Variants in ESR1 observed in about 807,000 individuals in gnomAD.
ESR1 encodes estrogen receptor.
ESR1 carries 12 observed loss-of-function variants against 52.7 expected under a neutral mutation model. That is an observed-to-expected ratio of 0.23 (90% CI 0.15 to 0.37). The LOEUF (loss-of-function observed/expected upper bound fraction) is 0.37. Ranked by LOEUF, ESR1 falls within the 10% of genes least tolerant of loss-of-function variation. ESR1 has a pLI of 1.00. For missense variants in ESR1, 584 were observed against 779.7 expected (o/e 0.75, Z 2.99); for synonymous variants, 305 against 316.8 (o/e 0.96, Z 0.39).
chr6:151,665,816 A>T (rs114377740), intron 1 of ESR1, among the ~76,000 whole-genome samples: 1 of 152,342 alleles, frequency 6.6e-6, no homozygotes, highest in East Asian at 1.9e-4. Flanking sequence ...ATATAGAGAC[A>T]TTATCTCAAA....
intron 1 of ESR1, among the ~76,000 whole-genome samples, chr6:151,829,888 G>T (rs1450030663): frequency 6.6e-6 from 1 of 152,146 alleles, no homozygotes; most frequent in African/African-American, 2.4e-5. Flanking sequence ...ACAATACTCT[G>T]CTCCTCTTAC....
chr6:152,091,718 G>C (rs767338003), intron 6 of ESR1, among the ~76,000 whole-genome samples: 11 of 152,056 alleles, frequency 7.2e-5, no homozygotes, highest in Non-Finnish European at 4.4e-5. Context: ...GGTCGCTGAG[G>C]TCCCAGCACG....
chr6:152,049,058 A>G (rs1404420110), intron 5 of ESR1, among the ~76,000 whole-genome samples: 1 of 152,236 alleles, frequency 6.6e-6, no homozygotes, highest in Non-Finnish European at 1.5e-5. Flanking sequence ...TTTCAGCTGG[A>G]TATTTGAGTA....
exon 7 of ESR1, chr6:152,128,961 G>T (rs1261687605): frequency 6.6e-6 from 1 of 152,242 alleles, no homozygotes; most frequent in African/African-American, 2.4e-5. Context: ...TGCCATTCAG[G>T]TGAAGATTAT....
chr6:151,807,808 G>C lies in ESR1; in HGVS notation c.-105G>C. 1 of 1,044,572 alleles carries C rather than the reference G, an allele frequency of 9.6e-7. No homozygotes were observed. Among genetic ancestry groups the C allele is most frequent in the South Asian group, 1.4e-5 (1 of 73,980 alleles). The allele number at this position is 1,044,572 out of a possible 1,614,324, so 64.7% of individuals were successfully genotyped here. ...CGCGTGTCGGCGGGACATGCGCTGC[G>C]TCGCCTCTAACCTCGGGCTGTGCTC... On this transcript the variant is annotated 5_prime_UTR_variant, in exon 1 of 8. Transcript: ENST00000206249.
chr6:151,829,459 A>G (rs924182741), intron 1 of ESR1, among the ~76,000 whole-genome samples: 5 of 152,188 alleles, frequency 3.3e-5, no homozygotes, highest in African/African-American at 1.2e-4. Context: ...TAGCATTAGA[A>G]ACGCAATGGC....
intron 1 of ESR1, among the ~76,000 whole-genome samples, chr6:151,676,428 T>C (rs1047100974): frequency 3.9e-5 from 6 of 152,202 alleles, no homozygotes; most frequent in African/African-American, 7.2e-5. Context: ...TAGTGAAGCA[T>C]TGCCTGGGCT....
chr6:152,080,156 C>T (rs528396473), intron 6 of ESR1, among the ~76,000 whole-genome samples: 1 of 152,220 alleles, frequency 6.6e-6, no homozygotes, highest in African/African-American at 2.4e-5. Flanking sequence ...TACAAAGATA[C>T]TCCTCAAGAA....
intron 2 of ESR1, among the ~76,000 whole-genome samples, chr6:151,717,370 C>A (rs1473987160): frequency 6.6e-6 from 1 of 152,170 alleles, no homozygotes; most frequent in African/African-American, 2.4e-5. Context: ...GAATTTTCTG[C>A]AGCTTTATTA....
chr6:151,732,718 C>T (rs1484372731), intron 2 of ESR1, among the ~76,000 whole-genome samples: 72 of 152,210 alleles, frequency 4.7e-4, no homozygotes, highest in East Asian at 3.9e-4. Context: ...GTCAGAGAGG[C>T]TAATAGGGGA....
chr6:151,961,874 G>C (rs1468668273), intron 4 of ESR1, among the ~76,000 whole-genome samples: 1 of 152,204 alleles, frequency 6.6e-6, no homozygotes, highest in African/African-American at 2.4e-5. Flanking sequence ...AGGTGTAGTT[G>C]TGGGCTCTTC....
chr6:151,963,145 A>G (rs1278504773), intron 4 of ESR1, among the ~76,000 whole-genome samples: 4 of 151,964 alleles, frequency 2.6e-5, no homozygotes, highest in African/African-American at 9.7e-5. Context: ...CTTGTCATAA[A>G]TATTTGACCA....
Position 151,944,286 on chromosome 6 carries a change from T to A in ESR1, c.874T>A (p.Trp292Arg). 6.2e-7 allele frequency: 1 copy of A among 1,614,156 alleles called. No individual in the cohort carries two copies. Among genetic ancestry groups the A allele is most frequent in the Non-Finnish European group, 8.5e-7 (1 of 1,180,018 alleles). ...SAGDMRAANL[W>R]PSPLMIKRSK... is the part of the protein sequence containing the mutation. Reference sequence around the variant, plus strand: ...TGGAGACATGAGAGCTGCCAACCTTTGGCCAAGCCCGCTCATGATCAAACG... The same window carrying A: ...TGGAGACATGAGAGCTGCCAACCTTAGGCCAAGCCCGCTCATGATCAAACG... Residue 292 changes from tryptophan to arginine, a missense_variant, in exon 4 of 8, where the codon TGG becomes AGG. By Grantham distance (101) the Trp-to-Arg change is moderately radical (BLOSUM62 -3). Transcript: ENST00000206249.
chr6:151,659,429 T>C (rs1410243272), intron 1 of ESR1, among the ~76,000 whole-genome samples: 1 of 152,228 alleles, frequency 6.6e-6, no homozygotes, highest in Non-Finnish European at 1.5e-5. Flanking sequence ...TCCTGCAAAG[T>C]TCCATTCATA....
chr6:151,949,851 G>A (rs1197047816), intron 4 of ESR1, among the ~76,000 whole-genome samples: 1 of 152,198 alleles, frequency 6.6e-6, no homozygotes, highest in Non-Finnish European at 1.5e-5. Context: ...CTCATCTTGA[G>A]AGTATTTGAG....
At chr6:151,675,119 G>C (rs1778207746) in intron 1 of ESR1, among the ~76,000 whole-genome samples, 2 of 152,114 alleles carry the variant, frequency 1.3e-5, no homozygotes, top group Non-Finnish European at 2.9e-5. Flanking sequence ...TTGTACTATT[G>C]AGTACAATAT....
chr6:151,988,359 A>G (rs1231497249), intron 4 of ESR1, among the ~76,000 whole-genome samples: 2 of 152,058 alleles, frequency 1.3e-5, no homozygotes, highest in Non-Finnish European at 2.9e-5. Context: ...TCCTATGAGA[A>G]TCTAATGCTG....
intron 2 of ESR1, among the ~76,000 whole-genome samples, chr6:151,794,554 A>G (rs1464642002): frequency 6.6e-6 from 1 of 152,182 alleles, no homozygotes; most frequent in Non-Finnish European, 1.5e-5. Context: ...CAATTTTGTC[A>G]ACAATCTACC....
chr6:151,711,092 T>C (rs977638365), intron 2 of ESR1, among the ~76,000 whole-genome samples: 1 of 152,212 alleles, frequency 6.6e-6, no homozygotes, highest in African/African-American at 2.4e-5. Context: ...GGTCAAACGG[T>C]ATTTCTAGTT....
Sources: gnomAD v4.1 joint callset for allele counts (sites outside exome capture counted in the v4.1 genomes callset) on GRCh38, gnomAD v4.1.1 for gene constraint, MANE v1.5 for transcripts, NCBI Gene and HGNC (gene_info 2026-07-23, HGNC 2026-07-21) for gene names.